Variants in RBFOX1 observed in about 807,000 individuals in gnomAD.
RBFOX1 encodes RNA binding fox-1 homolog 1, also known as RNA binding protein fox-1 homolog 1.
Under a neutral mutation model 57.7 loss-of-function variants are expected in RBFOX1, and 8 were observed. That is an observed-to-expected ratio of 0.14 (90% CI 0.08 to 0.25). The LOEUF is 0.25. Ranked by LOEUF, RBFOX1 falls within the 10% of genes least tolerant of loss-of-function variation. The pLI is 1.00. For missense variants in RBFOX1, 611 were observed against 548.5 expected (o/e 1.11, Z -1.14); for synonymous variants, 326 against 222.4 (o/e 1.47, Z -4.15).
At chr16:6,554,753 C>G (rs866956172) in intron 2 of RBFOX1, among the ~76,000 whole-genome samples, 16 of 137,150 alleles carry the variant, frequency 1.2e-4, no homozygotes, top group African/African-American at 5.1e-4. Flanking sequence ...CACACACACA[C>G]ACACAGACAC....
At chr16:5,352,570 A>T (rs1353440326) in intron 1 of RBFOX1, among the ~76,000 whole-genome samples, 1 of 152,214 alleles carries the variant, frequency 6.6e-6, no homozygotes, top group Non-Finnish European at 1.5e-5. Context: ...TGAACGTTTG[A>T]TCACGTATGG....
intron 9 of RBFOX1, among the ~76,000 whole-genome samples, chr16:7,603,975 A>C (rs1286101707): frequency 6.6e-6 from 1 of 152,140 alleles, no homozygotes; most frequent in Non-Finnish European, 1.5e-5. Flanking sequence ...TCTGCTGTTG[A>C]ACTTGTCCAG....
chr16:7,027,706 T>C (rs2041395855), intron 3 of RBFOX1, among the ~76,000 whole-genome samples: 1 of 152,206 alleles, frequency 6.6e-6, no homozygotes. Flanking sequence ...AATAGTCAGT[T>C]TGTTTTTAAT....
At chr16:7,518,431 G>A (rs753766119) in intron 5 of RBFOX1, 42 bp downstream of exon 5, 105 of 1,568,266 alleles carry the variant, frequency 6.7e-5, no homozygotes, top group Middle Eastern at 1.7e-4. Flanking sequence ...TTATGGGGAG[G>A]CGCCCCCAGC....
At chr16:6,497,845 C>G (rs1479718542) in intron 2 of RBFOX1, among the ~76,000 whole-genome samples, 1 of 152,076 alleles carries the variant, frequency 6.6e-6, no homozygotes, top group Non-Finnish European at 1.5e-5. Flanking sequence ...GCGTGAGTCA[C>G]CACTCCCGGC....
chr16:5,602,595 C>G (rs746722993), downstream of RBFOX1, among the ~76,000 whole-genome samples: 9 of 152,160 alleles, frequency 5.9e-5, no homozygotes, highest in Non-Finnish European at 1.2e-4. Context: ...ATTCATAGAT[C>G]TCCCTTTCTC....
intron 3 of RBFOX1, among the ~76,000 whole-genome samples, chr16:6,976,200 G>A (rs1348810983): frequency 6.6e-6 from 1 of 152,112 alleles, no homozygotes; most frequent in African/African-American, 2.4e-5. Context: ...GGAGTTACAA[G>A]AGTTCTTATA....
intron 13 of RBFOX1, among the ~76,000 whole-genome samples, chr16:7,676,102 A>G (rs2146381641): frequency 6.6e-6 from 1 of 152,350 alleles, no homozygotes; most frequent in East Asian, 1.9e-4. Flanking sequence ...TTTACAAATT[A>G]GAAGACTATC....
In RBFOX1 at chr16:7,273,010, C is replaced by A. The variant is rs551140710; in HGVS notation, c.27+220912C>A. Among the ~76,000 whole-genome samples, 4 of 137,898 alleles carry A rather than the reference C, an allele frequency of 2.9e-5. No individual in the cohort carries two copies. The East Asian group carries it at 8.9e-4, about 31-fold the overall frequency. 90.5% of individuals were successfully genotyped at this position (137,898 alleles called of 152,430 possible). ...CCCTCTCTCCCTTCCTTCCTCCCTTCCTTTCTGCCTTCCTTCCTTTTCTTT... is the reference window on the plus strand; with the variant it reads ...CCCTCTCTCCCTTCCTTCCTCCCTTACTTTCTGCCTTCCTTCCTTTTCTTT... On this transcript the variant is annotated intron_variant, in intron 4 of 15. Coordinates refer to ENST00000550418, the MANE Select transcript of RBFOX1 (RefSeq NM_018723.4).
rs147698871 is a variant in RBFOX1 at position 6,181,649 on chromosome 16, A to G, written c.-126-135346A>G. Among the ~76,000 whole-genome samples the G allele has an allele frequency of 5.6e-3, 859 of 152,274 alleles. 5 individuals are homozygous for G. Among genetic ancestry groups the G allele is most frequent in the African/African-American group, 0.02 (814 of 41,574 alleles). ...TGGTGGGGGGGAGGAGGGTCCCCAC[A>G]TATTCACATTAGAAGTCTTACGTGA... On this transcript the variant is annotated intron_variant, in intron 1 of 15. Transcript: ENST00000550418.
chr16:7,423,574 A>C (rs1037603247), intron 4 of RBFOX1, among the ~76,000 whole-genome samples: 1 of 152,146 alleles, frequency 6.6e-6, no homozygotes, highest in Non-Finnish European at 1.5e-5. Context: ...CTACCCTCAC[A>C]CTACTGGAAA....
At chr16:6,997,156 C>T (rs1443281145) in intron 3 of RBFOX1, among the ~76,000 whole-genome samples, 1 of 152,046 alleles carries the variant, frequency 6.6e-6, no homozygotes, top group Non-Finnish European at 1.5e-5. Context: ...TTTCTGTTAG[C>T]TGAAATTAAA....
chr16:6,882,524 G>T (rs1282285028), intron 3 of RBFOX1, among the ~76,000 whole-genome samples: 1 of 152,082 alleles, frequency 6.6e-6, no homozygotes, highest in South Asian at 2.1e-4. Flanking sequence ...AACTTAGGAG[G>T]CAGGGAGGTT....
intron 12 of RBFOX1, among the ~76,000 whole-genome samples, chr16:7,656,281 C>CTCCTGGGAATGAATT (rs2066273947): frequency 6.6e-6 from 1 of 152,188 alleles, no homozygotes; most frequent in Non-Finnish European, 1.5e-5. Flanking sequence ...GGATTACAGA[C>CTCCTGGGAATGAATT]TCCTGGGAAT....
intron 1 of RBFOX1, among the ~76,000 whole-genome samples, chr16:6,289,756 T>A (rs17819872): frequency 0.16 from 24,253 of 152,132 alleles, 2,303 homozygotes; most frequent in Non-Finnish European, 0.2. Flanking sequence ...CCAGGCAATT[T>A]GAGCAAACAA....
At chr16:5,700,390 G>A (rs996134983) in intron 3 of RBFOX1, among the ~76,000 whole-genome samples, 1 of 152,054 alleles carries the variant, frequency 6.6e-6, no homozygotes, top group Non-Finnish European at 1.5e-5. Context: ...ATCATAGCAG[G>A]TGGATCTAAA....
chr16:6,035,990 G>C (rs1006045317), intron 1 of RBFOX1, among the ~76,000 whole-genome samples: 3 of 152,120 alleles, frequency 2.0e-5, no homozygotes, highest in African/African-American at 7.2e-5. Context: ...CCTCTTTCCT[G>C]AGGTGCTTTA....
At position 6,079,560 on chromosome 16, in the gene RBFOX1, C is replaced by A. The variant is rs1265910275; in HGVS notation, c.-127+59568C>A. Among the ~76,000 whole-genome samples the A allele has an allele frequency of 2.0e-5, 3 of 151,444 alleles. No individual in the cohort carries two copies. The East Asian group carries it at 6.0e-4, about 30-fold the overall frequency. On this transcript the variant is annotated intron_variant, in intron 1 of 15. Transcript: ENST00000550418. ...GCTGGTCTCAAACTCCTGGGCTCAA[C>A]TGATCCACCAGCCTCCCAAAATAAG...
chr16:7,201,819 C>G (rs185502888), intron 4 of RBFOX1, among the ~76,000 whole-genome samples: 1 of 152,094 alleles, frequency 6.6e-6, no homozygotes. Flanking sequence ...GCACGGCAAG[C>G]GTGAAGTTAG....
Sources: gnomAD v4.1 joint callset for allele counts (sites outside exome capture counted in the v4.1 genomes callset) on GRCh38, gnomAD v4.1.1 for gene constraint, MANE v1.5 for transcripts, NCBI Gene and HGNC (gene_info 2026-07-23, HGNC 2026-07-21) for gene names.